Variants in RAB9A observed in about 807,000 individuals in gnomAD.
RAB9A encodes RAB9A, member RAS oncogene family.
In RAB9A, 1 loss-of-function variant was observed where a neutral mutation model predicts 10.3. The ratio of observed to expected loss-of-function variants is 0.10; its 90% CI spans 0.03 to 0.46. The LOEUF (loss-of-function observed/expected upper bound fraction) is 0.46. RAB9A is among the 20% of genes least tolerant of loss of function. RAB9A has a pLI of 0.96. For missense variants in RAB9A, 92 were observed against 150.3 expected (o/e 0.61, Z 2.03); for synonymous variants, 39 against 55.2 (o/e 0.71, Z 1.30).
chrX:13,699,107 G>T, intron 1 of RAB9A, among the ~76,000 whole-genome samples: 1 of 111,696 alleles, frequency 9.0e-6, no homozygotes, highest in South Asian at 3.7e-4. Context: ...TCTCCCTTTG[G>T]CAGCTTATTA....
intron 1 of RAB9A, among the ~76,000 whole-genome samples, chrX:13,703,400 T>G (rs1381827110): frequency 8.9e-6 from 1 of 112,661 alleles, no homozygotes; most frequent in Non-Finnish European, 1.9e-5. Context: ...CATACCATAC[T>G]GGGCTCAAGG....
At chrX:13,698,858 G>A (rs992045302) in intron 1 of RAB9A, among the ~76,000 whole-genome samples, 2 of 109,952 alleles carry the variant, frequency 1.8e-5, no homozygotes, top group African/African-American at 6.6e-5. Context: ...TGTTTCCCTG[G>A]TTTTCTTTGA....
At chrX:13,692,122 G>A (rs1375260953) in intron 1 of RAB9A, among the ~76,000 whole-genome samples, 1 of 110,450 alleles carries the variant, frequency 9.1e-6, no homozygotes, top group Admixed American at 9.7e-5. Flanking sequence ...GGGCAACATA[G>A]TGAGACCCCC....
chrX:13,693,761 G>T (rs979396845), intron 1 of RAB9A, among the ~76,000 whole-genome samples: 2 of 111,648 alleles, frequency 1.8e-5, no homozygotes, highest in African/African-American at 6.5e-5. Context: ...TCTGCCTGAG[G>T]TGGAGAGAGA....
At chrX:13,702,507 T>A (rs2046178671) in intron 1 of RAB9A, among the ~76,000 whole-genome samples, 1 of 112,184 alleles carries the variant, frequency 8.9e-6, no homozygotes, top group Non-Finnish European at 1.9e-5. Context: ...TACCTCTTTT[T>A]CCTTAACTGT....
At chrX:13,698,327 A>T (rs1472840804) in intron 1 of RAB9A, among the ~76,000 whole-genome samples, 1 of 109,136 alleles carries the variant, frequency 9.2e-6, no homozygotes, top group East Asian at 2.8e-4. Flanking sequence ...TTAAAAGTTA[A>T]GTTAGCTGAT....
intron 1 of RAB9A, among the ~76,000 whole-genome samples, chrX:13,703,555 G>T (rs147468964): frequency 8.9e-6 from 1 of 112,038 alleles, no homozygotes; most frequent in East Asian, 2.8e-4. Context: ...GTGGTTGGTG[G>T]GGAGAGTGGT....
intron 1 of RAB9A, among the ~76,000 whole-genome samples, chrX:13,691,659 CAAAAAAAAAAAAAA>C (rs765886332): frequency 2.8e-3 from 45 of 15,924 alleles, no homozygotes; most frequent in Non-Finnish European, 5.3e-3. Flanking sequence ...GACTCCATCT[CAAAAAAAAAAAAAA>C]AAAAAAAAAA....
At chrX:13,706,176 T>C (rs2046196578) in intron 2 of RAB9A, among the ~76,000 whole-genome samples, 1 of 112,111 alleles carries the variant, frequency 8.9e-6, no homozygotes, top group African/African-American at 3.2e-5. Context: ...TGCCAAAGAA[T>C]TAAAGCAGCC....
intron 1 of RAB9A, among the ~76,000 whole-genome samples, chrX:13,701,188 C>T (rs1353752002): frequency 9.1e-6 from 1 of 109,551 alleles, no homozygotes; most frequent in African/African-American, 3.3e-5. Flanking sequence ...AAAAAAACCC[C>T]ATACCCATTA....
At chrX:13,691,113 T>G (rs910135494) in intron 1 of RAB9A, among the ~76,000 whole-genome samples, 7 of 111,221 alleles carry the variant, frequency 6.3e-5, no homozygotes, top group Non-Finnish European at 1.3e-4. Flanking sequence ...TTATTTAATT[T>G]TTAAATTTTG....
chrX:13,691,659 C>CAAAAAAAAAAAAAAAAAAAAAAAAAA (rs765886332), intron 1 of RAB9A, among the ~76,000 whole-genome samples: 1 of 15,933 alleles, frequency 6.3e-5, no homozygotes, highest in African/African-American at 1.7e-4. Context: ...GACTCCATCT[C>CAAAAAAAAAAAAAAAAAAAAAAAAAA]AAAAAAAAAA....
chrX:13,710,073 CATAG>C lies in RAB9A; in HGVS notation c.*727_*730del, dbSNP rs1270770252. ...GTTGTCTATGAATGGAAAGCCTTTCCATAGATAGAGTTCAGTTTTAAGAAAAAGG... is the reference window on the plus strand; with the variant it reads ...GTTGTCTATGAATGGAAAGCCTTTCCATAGAGTTCAGTTTTAAGAAAAAGG... On this transcript the variant is annotated 3_prime_UTR_variant, in exon 3 of 3. Transcript: ENST00000464506. The C allele has an allele frequency of 8.1e-6, 1 of 123,678 alleles. No individual in the cohort carries two copies. The highest frequency in any genetic ancestry group is 1.9e-5 in the Non-Finnish European group (1 of 53,348). 10.2% of individuals were successfully genotyped at this position (123,678 alleles called of 1,213,427 possible).
intron 1 of RAB9A, among the ~76,000 whole-genome samples, chrX:13,698,003 C>T (rs946018029): frequency 9.0e-6 from 1 of 110,867 alleles, no homozygotes; most frequent in Non-Finnish European, 1.9e-5. Context: ...AAATTCAGTT[C>T]TTCAGTTAGA....
intron 1 of RAB9A, among the ~76,000 whole-genome samples, chrX:13,695,084 C>T (rs2046141794): frequency 8.9e-6 from 1 of 112,087 alleles, no homozygotes; most frequent in Non-Finnish European, 1.9e-5. Flanking sequence ...CCTCGAGCCT[C>T]CGGACCCGGC....
chrX:13,701,417 A>G (rs1645595117), intron 1 of RAB9A, among the ~76,000 whole-genome samples: 1 of 111,809 alleles, frequency 8.9e-6, no homozygotes, highest in African/African-American at 3.3e-5. Context: ...TTATCCATTC[A>G]TTAATTGATG....
rs2146756283 is a variant in RAB9A at position 13,709,244 on chromosome X, G to A, written c.498G>A (p.Glu166=). The change falls in exon 3 of 3, where the codon GAG becomes GAA. Residue 166 remains glutamate, a synonymous_variant. Coordinates refer to ENST00000464506, the MANE Select transcript of RAB9A (RefSeq NM_004251.5). ...CCACAAATGTGGCAGCAGCCTTTGA[G>A]GAAGCGGTTCGAAGAGTTCTTGCTA... is the stretch of plus-strand genomic sequence containing the variant. The part of the protein sequence containing the change: ...KDATNVAAAF[E]EAVRRVLATE... 1 of 1,211,729 alleles carries A rather than the reference G, an allele frequency of 8.3e-7. No individual in the cohort carries two copies.
At chrX:13,707,998 G>T (rs1320743551) in intron 2 of RAB9A, among the ~76,000 whole-genome samples, 2 of 111,012 alleles carry the variant, frequency 1.8e-5, no homozygotes, top group East Asian at 5.6e-4. Flanking sequence ...CACCATCACT[G>T]TGCACTGAAG....
At position 13,710,375 on chromosome X, in the gene RAB9A, TTTAC is replaced by T. The variant is rs1407878123; in HGVS notation, c.*1027_*1030del. ...GAAGACATCTTTATTCGGCAATGTATTTACTTAGTGTCTTCTCTATTACTGAACA... is the reference window on the plus strand; with the variant it reads ...GAAGACATCTTTATTCGGCAATGTATTTAGTGTCTTCTCTATTACTGAACA... On this transcript the variant is annotated 3_prime_UTR_variant, in exon 3 of 3. Transcript: ENST00000464506. 1 of 124,004 alleles carries T rather than the reference TTTAC, an allele frequency of 8.1e-6. No homozygotes were observed. Among genetic ancestry groups the T allele is most frequent in the African/African-American group, 3.2e-5 (1 of 31,020 alleles). The allele number at this position is 124,004 out of a possible 1,213,427, so 10.2% of individuals were successfully genotyped here. A position where few individuals can be genotyped will look rare whatever the true frequency, so the allele number is the denominator to read the frequency against.
Sources: gnomAD v4.1 joint callset for allele counts (sites outside exome capture counted in the v4.1 genomes callset) on GRCh38, gnomAD v4.1.1 for gene constraint, MANE v1.5 for transcripts, NCBI Gene and HGNC (gene_info 2026-07-23, HGNC 2026-07-21) for gene names.